Variants in IREB2 observed in about 807,000 individuals in gnomAD.
The protein encoded by IREB2 is iron responsive element binding protein 2.
A neutral mutation model predicts 118.8 loss-of-function variants in IREB2; 39 were observed. The observed-to-expected ratio is 0.33, with a 90% CI of 0.25 to 0.43. The LOEUF is 0.43. IREB2 is among the 20% of genes least tolerant of loss of function. The pLI is 1.00. For missense variants in IREB2, 900 were observed against 1,147.3 expected, an observed-to-expected ratio of 0.78 and a Z score of 3.11; for synonymous variants, 372 against 392.2, an observed-to-expected ratio of 0.95 and a Z score of 0.61.
intron 16 of IREB2, among the ~76,000 whole-genome samples, chr15:78,490,050 A>G (rs1037359080): frequency 1.3e-5 from 2 of 152,094 alleles, no homozygotes; most frequent in African/African-American, 4.8e-5. Context: ...GTTCCTGAAC[A>G]TCTGGTATGC....
intron 2 of IREB2, among the ~76,000 whole-genome samples, chr15:78,443,998 T>C (rs2050887080): frequency 6.6e-6 from 1 of 152,112 alleles, no homozygotes; most frequent in African/African-American, 2.4e-5. Flanking sequence ...GCACTCCCAA[T>C]GTGCTGACTA....
chr15:78,455,799 C>G (rs1392170920), intron 2 of IREB2, among the ~76,000 whole-genome samples: 1 of 152,182 alleles, frequency 6.6e-6, no homozygotes, highest in African/African-American at 2.4e-5. Flanking sequence ...TATTTGTTAT[C>G]TATTACTGCA....
intron 2 of IREB2, among the ~76,000 whole-genome samples, chr15:78,459,346 GTTTTTTT>G (rs1158507168): frequency 1.3e-5 from 2 of 151,252 alleles, no homozygotes; most frequent in Non-Finnish European, 3.0e-5. Flanking sequence ...GTTTGTTTTG[GTTTTTTT>G]GTTTTTTGTT....
intron 3 of IREB2, 53 bp from the exon 4 acceptor site, chr15:78,465,198 A>G: frequency 7.2e-7 from 1 of 1,391,396 alleles, no homozygotes; most frequent in East Asian, 2.3e-5. Flanking sequence ...TCATTTATTA[A>G]GCATGTATAA....
rs1202548798 is a variant in IREB2 at position 78,484,854 on chromosome 15, T to C, written c.1507T>C (p.Ser503Pro). ...AAGTGAATATAAGCTGTCTCATGGA[T>C]CAGTGGTCATTGCTGCAGTTATCAG... ...EGSEYKLSHG[S>P]VVIAAVISCT... The change falls in exon 12 of 22, where the codon TCA (serine) becomes CCA (proline). Residue 503 changes from serine (S) to proline (P), a missense_variant. Physicochemically the swap from Ser to Pro is moderately conservative, Grantham distance 74. Coordinates refer to ENST00000258886, the MANE Select transcript of IREB2 (RefSeq NM_004136.4). The C allele has an allele frequency of 6.2e-7, 1 of 1,613,878 alleles. No homozygotes were observed. The highest frequency in any genetic ancestry group is 8.5e-7 in the Non-Finnish European group (1 of 1,179,800).
chr15:78,443,240 T>A (rs1315338014), intron 2 of IREB2, among the ~76,000 whole-genome samples: 1 of 152,256 alleles, frequency 6.6e-6, no homozygotes, highest in Non-Finnish European at 1.5e-5. Flanking sequence ...ATGGTCTTTC[T>A]CTTTCAAAGT....
intron 10 of IREB2, among the ~76,000 whole-genome samples, chr15:78,479,535 C>A (rs2141503415): frequency 6.6e-6 from 1 of 151,738 alleles, no homozygotes; most frequent in South Asian, 2.1e-4. Flanking sequence ...CCAAGCCCAG[C>A]CTATGAAGTC....
Position 78,476,354 on chromosome 15 carries a change from A to T in IREB2, c.1190A>T (p.His397Leu). 2 of 1,556,194 alleles carry T rather than the reference A, an allele frequency of 1.3e-6. No individual in the cohort carries two copies. The highest frequency in any genetic ancestry group is 1.8e-6 in the Non-Finnish European group (2 of 1,138,770). Residue 397 changes from histidine to leucine, a missense_variant, in exon 9 of 22, where the codon CAT becomes CTT. By Grantham distance (99) the His-to-Leu change is moderately conservative. Coordinates refer to ENST00000258886, the MANE Select transcript of IREB2 (RefSeq NM_004136.4). ...VDNVTLKHLE[H>L]TGFSKAKLES... ...AATGTGACATTAAAACATTTAGAAC[A>T]TACAGGTAAGAAGATAAAAGATCAC...
intron 2 of IREB2, among the ~76,000 whole-genome samples, chr15:78,451,911 C>T (rs981417925): frequency 3.3e-5 from 5 of 152,144 alleles, no homozygotes; most frequent in African/African-American, 1.2e-4. Context: ...GATCCACTCG[C>T]CTCAACCTCC....
intron 8 of IREB2, chr15:78,474,716 A>C (rs1002095839): frequency 6.6e-6 from 1 of 152,106 alleles, no homozygotes; most frequent in Non-Finnish European, 1.5e-5. Context: ...TGATGAGAGC[A>C]GCATTTGGTT....
chr15:78,462,827 AT>A, intron 2 of IREB2, 94 bp from the exon 3 acceptor site: 1 of 904,014 alleles, frequency 1.1e-6, no homozygotes, highest in Non-Finnish European at 1.7e-6. Flanking sequence ...AAAACAGTGC[AT>A]TTTTGTCTTT....
chr15:78,462,853 T>G (rs544580069), intron 2 of IREB2, 69 bp from the exon 3 acceptor site: 1 of 1,224,544 alleles, frequency 8.2e-7, no homozygotes, highest in East Asian at 2.5e-5. Flanking sequence ...AACTTTTTGC[T>G]ATGGCATTTT....
In IREB2 at chr15:78,490,691, AC is replaced by A; in HGVS notation, c.2255del (p.Thr752LysfsTer20). ...ATTATATTTGGGAGACTCTGTCACA[AC>A]AGATCATATATCACCTGCAGGAAGT... ...VLLYLGDSVT[T>X]DHISPAGSIA... is the part of the protein sequence containing the mutation. On this transcript the variant is annotated frameshift_variant, in exon 18 of 22. Coordinates refer to ENST00000258886, the MANE Select transcript of IREB2 (RefSeq NM_004136.4). LOFTEE classifies it high-confidence loss of function. 6.2e-7 allele frequency: 1 copy of A among 1,614,090 alleles called. No homozygotes were observed. Among genetic ancestry groups the A allele is most frequent in the Non-Finnish European group, 8.5e-7 (1 of 1,179,936 alleles).
chr15:78,466,620 A>G (rs2141480761), intron 5 of IREB2, 131 bp downstream of exon 5: 2 of 637,448 alleles, frequency 3.1e-6, no homozygotes, highest in Admixed American at 2.9e-5. Context: ...GAATTTTTAT[A>G]TGTATTTCCT....
At chr15:78,460,942 C>T (rs1291979576) in intron 2 of IREB2, among the ~76,000 whole-genome samples, 1 of 151,916 alleles carries the variant, frequency 6.6e-6, no homozygotes. Flanking sequence ...TTTGACATGC[C>T]CTTCTAGGTC....
At chr15:78,477,108 A>T (rs2051485081) in intron 9 of IREB2, among the ~76,000 whole-genome samples, 1 of 152,204 alleles carries the variant, frequency 6.6e-6, no homozygotes, top group Non-Finnish European at 1.5e-5. Flanking sequence ...AGAATCCTGG[A>T]GGGAATGATC....
At position 78,494,145 on chromosome 15, in the gene IREB2, G is replaced by T. The variant is rs374612749; in HGVS notation, c.2476G>T (p.Asp826Tyr). 66 of 1,613,640 alleles carry T rather than the reference G, an allele frequency of 4.1e-5. No homozygotes were observed. The East Asian group carries it at 1.2e-3, about 30-fold the overall frequency. The change falls in exon 20 of 22, where the codon GAT becomes TAT. Residue 826 changes from aspartate to tyrosine, a missense_variant. Asp to Tyr is a radical substitution (Grantham distance 160). Transcript: ENST00000258886. ...TTGTGTTTGTTTTAATCTACAGCTA[G>T]ATGTATTTGAGGCTGCAGAGCTGTA... is the stretch of plus-strand genomic sequence containing the variant. ...TIHFPSGQTL[D>Y]VFEAAELYQK...
chr15:78,445,987 A>G (rs1243632640), intron 2 of IREB2, among the ~76,000 whole-genome samples: 1 of 152,026 alleles, frequency 6.6e-6, no homozygotes, highest in Non-Finnish European at 1.5e-5. Context: ...GTCTCCCTAC[A>G]TTGCCTAGGC....
chr15:78,448,029 GTATA>G (rs2050960485), intron 2 of IREB2, among the ~76,000 whole-genome samples: 2 of 152,242 alleles, frequency 1.3e-5, no homozygotes, highest in South Asian at 4.1e-4. Context: ...GAGGGCTGTG[GTATA>G]GGCATTCTGA....
Sources: allele counts gnomAD v4.1 joint callset (sites outside exome capture counted in the v4.1 genomes callset), GRCh38; gene constraint gnomAD v4.1.1; transcripts MANE v1.5; gene names NCBI Gene and HGNC (gene_info 2026-07-23, HGNC 2026-07-21).